Variants in BCLAF3 observed in about 807,000 individuals in gnomAD.
The protein encoded by BCLAF3 is transient octamer binding factor 1.
In BCLAF3, 24 loss-of-function variants were observed where a neutral mutation model predicts 51.2. The observed-to-expected ratio is 0.47, with a 90% CI of 0.34 to 0.66. The LOEUF (loss-of-function observed/expected upper bound fraction) is 0.66, where lower values mean the gene tolerates loss of function less well. Among genes scored for constraint, BCLAF3 ranks in the 30% least tolerant of loss-of-function variants. The pLI, the probability that BCLAF3 is intolerant of heterozygous loss-of-function variation, is 0.01. For missense variants in BCLAF3, 465 were observed against 525.1 expected, an observed-to-expected ratio of 0.89 and a Z score of 1.12; for synonymous variants, 152 against 176.6, an observed-to-expected ratio of 0.86 and a Z score of 1.10.
chrX:19,968,287 C>T (rs753440449), intron 2 of BCLAF3, among the ~76,000 whole-genome samples: 13 of 112,557 alleles, frequency 1.2e-4, no homozygotes, highest in African/African-American at 4.2e-4. Context: ...GCACGCCTTG[C>T]GAGCGCCCTG....
intron 4 of BCLAF3, among the ~76,000 whole-genome samples, chrX:19,959,607 G>C (rs922036236): frequency 9.6e-6 from 1 of 104,220 alleles, no homozygotes; most frequent in Non-Finnish European, 2.0e-5. Context: ...ACCTCATCTC[G>C]ACTAAAAATA....
In BCLAF3 at chrX:19,970,645, A is replaced by G. The variant is rs1046590781; in HGVS notation, c.-34-347T>C. On this transcript the variant is annotated intron_variant, in intron 1 of 11. Transcript: ENST00000379682. ...GTGTCGTAAGTGTAAAATCCACATC[A>G]GATTTCAAAGAGTTCATATAAAAAA... Among the ~76,000 whole-genome samples, 3 of 111,949 alleles carry G rather than the reference A, an allele frequency of 2.7e-5. No homozygotes were observed. In the Admixed American group the frequency reaches 2.8e-4, roughly 11 times the overall value.
At chrX:19,936,344 G>A (rs994115673) in intron 9 of BCLAF3, among the ~76,000 whole-genome samples, 2 of 111,900 alleles carry the variant, frequency 1.8e-5, no homozygotes, top group Admixed American at 9.5e-5. Context: ...CTGAGGTGAT[G>A]CTCTTGCCAT....
rs143339727 is a variant in BCLAF3 at position 19,971,729 on chromosome X, C to T, written c.-34-1431G>A. On this transcript the variant is annotated intron_variant, in intron 1 of 11. Transcript: ENST00000379682. ...CCCAAACCCCTGGTGGCTTCTAGAA[C>T]GACTGCCATGGGCTCATGAATTATC... Among the ~76,000 whole-genome samples the T allele has an allele frequency of 7.9e-3, 888 of 111,749 alleles. 12 individuals carry two copies. The highest frequency in any genetic ancestry group is 0.027 in the African/African-American group (845 of 30,763).
Position 19,937,437 on chromosome X carries a change from C to T in BCLAF3, c.1841G>A (p.Cys614Tyr). 3.5e-6 allele frequency: 4 copies of T among 1,152,729 alleles called. No individual in the cohort carries two copies. Among genetic ancestry groups the T allele is most frequent in the African/African-American group, 1.8e-5 (1 of 56,453 alleles). 95.0% of individuals were successfully genotyped at this position (1,152,729 alleles called of 1,213,427 possible). Reference protein sequence around the residue: ...THFIKSNFRKCIEKPYMNYTT... With the variant: ...THFIKSNFRKYIEKPYMNYTT... ...TCTTACCATGTAAGGTTTTTCAATA[C>T]ATTTTCTAAAATTTGATTTTATAAA... The change falls in exon 9 of 12, where the codon TGT becomes TAT. Residue 614 changes from cysteine to tyrosine, a missense_variant. Coordinates refer to ENST00000379682, the MANE Select transcript of BCLAF3 (RefSeq NM_001367774.2).
intron 8 of BCLAF3, among the ~76,000 whole-genome samples, chrX:19,939,854 T>C (rs1296159220): frequency 8.9e-6 from 1 of 112,118 alleles, no homozygotes; most frequent in African/African-American, 3.2e-5. Flanking sequence ...TGTCTGATTC[T>C]ACTTATATCA....
chrX:19,974,174 G>A (rs2072343425), intron 1 of BCLAF3, among the ~76,000 whole-genome samples: 1 of 112,046 alleles, frequency 8.9e-6, no homozygotes, highest in Non-Finnish European at 1.9e-5. Flanking sequence ...CGTTTCATTG[G>A]GAAAAACTTC....
chrX:19,962,755 A>G (rs936523485), intron 4 of BCLAF3, among the ~76,000 whole-genome samples: 1 of 111,511 alleles, frequency 9.0e-6, no homozygotes, highest in African/African-American at 3.3e-5. Context: ...GCTTTTCTGT[A>G]TGTTTGAACA....
intron 11 of BCLAF3, among the ~76,000 whole-genome samples, chrX:19,922,098 C>T (rs906496833): frequency 5.0e-4 from 55 of 110,643 alleles, no homozygotes; most frequent in African/African-American, 1.6e-3. Context: ...AACCATAGGC[C>T]GGGAATGGTG....
intron 8 of BCLAF3, among the ~76,000 whole-genome samples, chrX:19,944,477 C>A (rs1463359064): frequency 1.6e-5 from 1 of 61,572 alleles, no homozygotes; most frequent in Non-Finnish European, 2.6e-5. Flanking sequence ...CTGGTGGTGA[C>A]AAAATCTCTC....
Position 19,928,026 on chromosome X carries a change from C to G in BCLAF3, c.2106+1759G>C, listed in dbSNP as rs1051925634. Among the ~76,000 whole-genome samples the G allele has an allele frequency of 3.8e-5, 4 of 105,312 alleles. No individual in the cohort carries two copies. The East Asian group carries it at 1.2e-3, about 33-fold the overall frequency. The allele number at this position is 105,312 out of a possible 115,157, so 91.5% of individuals were successfully genotyped here. A position where few individuals can be genotyped will look rare whatever the true frequency, so the allele number is the denominator to read the frequency against. Reference sequence around the variant, plus strand: ...AAGTAGCTGGGACTACAGGCACATACCACCATGCCCAGTTTATTATTTTTA... The same window carrying G: ...AAGTAGCTGGGACTACAGGCACATAGCACCATGCCCAGTTTATTATTTTTA... On this transcript the variant is annotated intron_variant, in intron 11 of 11. Transcript: ENST00000379682.
At chrX:19,945,572 CAGTT>C (rs2071244974) in intron 8 of BCLAF3, among the ~76,000 whole-genome samples, 1 of 79,331 alleles carries the variant, frequency 1.3e-5, no homozygotes, top group South Asian at 4.1e-4. Context: ...GGGTGCCTCT[CAGTT>C]AGGCTGCTCG....
intron 10 of BCLAF3, among the ~76,000 whole-genome samples, chrX:19,931,381 G>A (rs888925446): frequency 8.9e-6 from 1 of 111,762 alleles, no homozygotes; most frequent in Non-Finnish European, 1.9e-5. Context: ...ACAGATGGGA[G>A]CAGTGGTGCA....
In BCLAF3 at chrX:19,937,532, C is replaced by A. The variant is rs966180591; in HGVS notation, c.1746G>T (p.Arg582Ser). 1 of 967,270 alleles carries A rather than the reference C, an allele frequency of 1.0e-6. No individual in the cohort carries two copies. Among genetic ancestry groups the A allele is most frequent in the African/African-American group, 1.9e-5 (1 of 51,729 alleles). 79.7% of individuals were successfully genotyped at this position (967,270 alleles called of 1,213,427 possible). The change falls in exon 9 of 12, where the codon AGG becomes AGT. Residue 582 changes from arginine (R) to serine (S), a missense_variant and splice_region_variant. Arg to Ser is a moderately radical substitution (Grantham distance 110). Transcript: ENST00000379682. ...TTGAAAAACTGGAATTCTGATCATC[C>A]CTAATAAGGAAACAGAGAAAATAAG... ...HIFHIASAAE[R>S]DDQNSSFSKV...
chrX:19,935,502 G>A lies in BCLAF3; in HGVS notation c.1950+307C>T, dbSNP rs149218150. 51 of 218,991 alleles carry A rather than the reference G, an allele frequency of 2.3e-4. No individual in the cohort carries two copies. In the East Asian group the frequency reaches 4.6e-3, roughly 20 times the overall value. The allele number at this position is 218,991 out of a possible 1,213,427, so 18.0% of individuals were successfully genotyped here. ...GGTAAAGGTGCTGGCTTAAAGGGAG[G>A]GTCTGCAGCCTTGCCTGTCTCCCCA... is the stretch of plus-strand genomic sequence containing the variant. On this transcript the variant is annotated intron_variant, in intron 10 of 11. Coordinates refer to ENST00000379682, the MANE Select transcript of BCLAF3 (RefSeq NM_001367774.2).
At chrX:19,987,613 C>T (rs760083332) in intron 1 of BCLAF3, among the ~76,000 whole-genome samples, 2 of 112,590 alleles carry the variant, frequency 1.8e-5, no homozygotes, top group South Asian at 7.2e-4. Context: ...CACCCCCAAA[C>T]TGAATTTTTA....
At chrX:19,974,806 CG>C (rs1177511091) in intron 1 of BCLAF3, among the ~76,000 whole-genome samples, 1 of 110,606 alleles carries the variant, frequency 9.0e-6, no homozygotes, top group African/African-American at 3.3e-5. Flanking sequence ...CGCTTGAACC[CG>C]GGGGGCGGAG....
At chrX:19,964,890 C>A in intron 4 of BCLAF3, among the ~76,000 whole-genome samples, 154 bp downstream of exon 4, 2 of 111,376 alleles carry the variant, frequency 1.8e-5, no homozygotes. Flanking sequence ...CAGGAAACAG[C>A]CTCACTACAG....
chrX:19,949,290 A>T (rs1259081113), intron 8 of BCLAF3, among the ~76,000 whole-genome samples: 2 of 112,254 alleles, frequency 1.8e-5, no homozygotes, highest in East Asian at 5.6e-4. Flanking sequence ...ATGAGGAAAC[A>T]GAGACAAAAT....
Sources: gnomAD v4.1 joint callset for allele counts (sites outside exome capture counted in the v4.1 genomes callset) on GRCh38, gnomAD v4.1.1 for gene constraint, MANE v1.5 for transcripts, NCBI Gene and HGNC (gene_info 2026-07-23, HGNC 2026-07-21) for gene names.